The following TMEM117 variants were observed in gnomAD, a reference collection of about 807,000 sequenced individuals.
The protein encoded by TMEM117 is transmembrane protein 117.
A neutral mutation model predicts 52.4 loss-of-function variants in TMEM117; 27 were observed. The observed-to-expected ratio is 0.51, with a 90% CI of 0.38 to 0.71. TMEM117 has a LOEUF of 0.71. Among genes scored for constraint, TMEM117 ranks in the 30% least tolerant of loss-of-function variants. The probability of loss-of-function intolerance (pLI) is 0.00; values close to 1 mark genes in which losing one functional copy is unlikely to be tolerated. For synonymous variants in TMEM117, 215 were observed against 206.3 expected (o/e 1.04, Z -0.36); for missense variants, 556 against 630.5 (o/e 0.88, Z 1.26).
intron 3 of TMEM117, among the ~76,000 whole-genome samples, chr12:44,124,893 A>C (rs1053210495): frequency 2.6e-5 from 4 of 151,758 alleles, no homozygotes; most frequent in Non-Finnish European, 4.4e-5. Flanking sequence ...CCAGGTTTTG[A>C]TATCTTGAGG....
intron 3 of TMEM117, among the ~76,000 whole-genome samples, chr12:43,988,955 A>T (rs1945893006): frequency 6.6e-6 from 1 of 152,086 alleles, no homozygotes; most frequent in South Asian, 2.1e-4. Context: ...ACCTCAGAAC[A>T]CAACTACAGT....
intron 5 of TMEM117, among the ~76,000 whole-genome samples, chr12:44,236,541 A>G (rs1394442046): frequency 6.6e-6 from 1 of 152,082 alleles, no homozygotes; most frequent in Non-Finnish European, 1.5e-5. Context: ...TTTCTTTCTT[A>G]GAATATAATA....
chr12:43,872,086 G>A (rs908598449), intron 2 of TMEM117, among the ~76,000 whole-genome samples: 1 of 152,164 alleles, frequency 6.6e-6, no homozygotes, highest in African/African-American at 2.4e-5. Flanking sequence ...TTAATTTGTA[G>A]AGATGGGGTC....
At chr12:44,079,175 T>G (rs1350533913) in intron 3 of TMEM117, among the ~76,000 whole-genome samples, 2 of 152,234 alleles carry the variant, frequency 1.3e-5, no homozygotes, top group East Asian at 3.9e-4. Context: ...AATAAACATA[T>G]ATGTGCATGG....
chr12:44,278,275 A>AT, intron 5 of TMEM117, among the ~76,000 whole-genome samples: 2 of 152,310 alleles, frequency 1.3e-5, no homozygotes, highest in Middle Eastern at 6.8e-3. Flanking sequence ...AGCAAGCATC[A>AT]TTGGAGATCA....
At chr12:44,257,975 T>C (rs986824296) in intron 5 of TMEM117, among the ~76,000 whole-genome samples, 1 of 152,116 alleles carries the variant, frequency 6.6e-6, no homozygotes, top group African/African-American at 2.4e-5. Flanking sequence ...ATCCAGTATA[T>C]TTAAAATAAA....
intron 7 of TMEM117, among the ~76,000 whole-genome samples, chr12:44,377,004 G>A (rs1008910906): frequency 3.9e-5 from 6 of 152,094 alleles, no homozygotes; most frequent in South Asian, 2.1e-4. Context: ...TGTCTGTTCC[G>A]TAATCTCTTG....
chr12:43,815,831 A>T, the TMEM117 span, among the ~76,000 whole-genome samples: 1 of 152,228 alleles, frequency 6.6e-6, no homozygotes, highest in Non-Finnish European at 1.5e-5. Flanking sequence ...TGATAAATTG[A>T]GACCCAATAG....
At chr12:44,293,365 T>G (rs1950729366) in intron 5 of TMEM117, among the ~76,000 whole-genome samples, 2 of 152,066 alleles carry the variant, frequency 1.3e-5, no homozygotes, top group South Asian at 4.1e-4. Context: ...TTGTTTTTGC[T>G]TTTTGAATCT....
intron 3 of TMEM117, among the ~76,000 whole-genome samples, chr12:44,078,620 A>T (rs1442687084): frequency 6.6e-6 from 1 of 152,076 alleles, no homozygotes; most frequent in Non-Finnish European, 1.5e-5. Flanking sequence ...TTTCCTGAGG[A>T]TACTCAGTTT....
At chr12:44,181,441 T>C (rs1321621860) in intron 4 of TMEM117, among the ~76,000 whole-genome samples, 2 of 151,104 alleles carry the variant, frequency 1.3e-5, no homozygotes, top group Non-Finnish European at 1.5e-5. Flanking sequence ...GCCTATGTCC[T>C]GAATGGTAAT....
intron 6 of TMEM117, among the ~76,000 whole-genome samples, chr12:44,321,667 A>C (rs1951131807): frequency 1.3e-5 from 2 of 152,154 alleles, no homozygotes; most frequent in Admixed American, 1.3e-4. Context: ...TAGGAGTAAA[A>C]ACTTATATTA....
intron 5 of TMEM117, among the ~76,000 whole-genome samples, chr12:44,270,539 A>G (rs1415368658): frequency 1.3e-5 from 2 of 152,148 alleles, no homozygotes; most frequent in Non-Finnish European, 2.9e-5. Context: ...TTTTCCAGGT[A>G]TACGATCATA....
chr12:43,911,694 A>G (rs1319109375), intron 2 of TMEM117, among the ~76,000 whole-genome samples: 4 of 144,178 alleles, frequency 2.8e-5, no homozygotes, highest in Admixed American at 2.1e-4. Context: ...AAGGACATGA[A>G]CAGACACTTC....
At chr12:44,173,879 C>T (rs1248422010) in intron 4 of TMEM117, among the ~76,000 whole-genome samples, 1 of 151,600 alleles carries the variant, frequency 6.6e-6, no homozygotes, top group Non-Finnish European at 1.5e-5. Flanking sequence ...ACTTAAATAC[C>T]TTTAATGCTT....
At chr12:43,929,935 T>G (rs1460301433) in intron 2 of TMEM117, among the ~76,000 whole-genome samples, 2 of 152,172 alleles carry the variant, frequency 1.3e-5, no homozygotes. Flanking sequence ...TTTTTATGTC[T>G]TGTTTCTTTA....
intron 2 of TMEM117, among the ~76,000 whole-genome samples, chr12:43,856,500 A>G (rs1485563854): frequency 2.0e-5 from 3 of 152,218 alleles, no homozygotes; most frequent in Non-Finnish European, 4.4e-5. Context: ...GTCTATCACT[A>G]TGAAACAGTC....
chr12:43,825,032 A>G, the TMEM117 span, among the ~76,000 whole-genome samples: 1 of 152,238 alleles, frequency 6.6e-6, no homozygotes, highest in Non-Finnish European at 1.5e-5. Flanking sequence ...GGGAACTTAA[A>G]TGACTGAAGA....
At chr12:44,071,941 C>T (rs750943363) in intron 3 of TMEM117, among the ~76,000 whole-genome samples, 1 of 152,124 alleles carries the variant, frequency 6.6e-6, no homozygotes, top group Admixed American at 6.5e-5. Context: ...GTTTAGTAAG[C>T]ATCCAGGCTT....
Sources: gnomAD v4.1 joint callset for allele counts (sites outside exome capture counted in the v4.1 genomes callset) on GRCh38, gnomAD v4.1.1 for gene constraint, MANE v1.5 for transcripts, NCBI Gene and HGNC (gene_info 2026-07-23, HGNC 2026-07-21) for gene names.